Variants in TMEM161B observed in about 807,000 individuals in gnomAD.
TMEM161B encodes the protein transmembrane protein 161B.
Under a neutral mutation model 61.8 loss-of-function variants are expected in TMEM161B, and 34 were observed. The ratio of observed to expected loss-of-function variants is 0.55; its 90% CI spans 0.42 to 0.73. The LOEUF (loss-of-function observed/expected upper bound fraction) is 0.73, where lower values mean the gene tolerates loss of function less well. Ranked by LOEUF, TMEM161B falls within the 30% of genes least tolerant of loss-of-function variation. The pLI is 0.00. For synonymous variants in TMEM161B, 167 were observed against 192.8 expected, an observed-to-expected ratio of 0.87 and a Z score of 1.11; for missense variants, 456 against 558.5, an observed-to-expected ratio of 0.82 and a Z score of 1.85.
chr5:88,187,856 T>C (rs901126827), downstream of TMEM161B, among the ~76,000 whole-genome samples: 16 of 152,330 alleles, frequency 1.1e-4, no homozygotes, highest in African/African-American at 3.8e-4. Flanking sequence ...TTAGGTTTGA[T>C]GATCTCTTAT....
downstream of TMEM161B, among the ~76,000 whole-genome samples, chr5:88,192,123 G>C (rs34087731): frequency 7.2e-6 from 1 of 139,492 alleles, no homozygotes; most frequent in Non-Finnish European, 1.5e-5. Context: ...CTGATTCTTA[G>C]ATTAGCATTC....
intron 2 of TMEM161B, among the ~76,000 whole-genome samples, chr5:88,231,553 G>A (rs1195367115): frequency 2.0e-5 from 3 of 152,194 alleles, no homozygotes; most frequent in Non-Finnish European, 4.4e-5. Context: ...TACTGGCATA[G>A]AGCAAGTGCT....
intron 1 of TMEM161B, among the ~76,000 whole-genome samples, chr5:88,244,772 G>C (rs1354107838): frequency 6.6e-6 from 1 of 151,830 alleles, no homozygotes; most frequent in Non-Finnish European, 1.5e-5. Context: ...TCCTATCCAA[G>C]AGCATGGAAT....
intron 2 of TMEM161B, among the ~76,000 whole-genome samples, chr5:88,229,833 T>C (rs1311747143): frequency 6.6e-6 from 1 of 151,678 alleles, no homozygotes; most frequent in Non-Finnish European, 1.5e-5. Context: ...GGATCCTCCC[T>C]CCTCAGCTTT....
intron 1 of TMEM161B, among the ~76,000 whole-genome samples, chr5:88,245,002 T>C (rs1302974148): frequency 6.6e-6 from 1 of 151,808 alleles, no homozygotes; most frequent in African/African-American, 2.4e-5. Context: ...TTCTGAAACT[T>C]TGCTCAAGTT....
At chr5:88,225,597 A>T (rs1254349631) in intron 4 of TMEM161B, among the ~76,000 whole-genome samples, 172 bp downstream of exon 4, 2 of 152,232 alleles carry the variant, frequency 1.3e-5, no homozygotes, top group African/African-American at 4.8e-5. Context: ...AAAATAATAC[A>T]AGTTAGGTGA....
intron 5 of TMEM161B, 58 bp downstream of exon 5, chr5:88,220,505 G>T: frequency 7.7e-7 from 1 of 1,294,580 alleles, no homozygotes; most frequent in Non-Finnish European, 1.0e-6. Flanking sequence ...AATCAGAGAT[G>T]AGATCTAATG....
chr5:88,214,897 T>A (rs990411234), intron 5 of TMEM161B, among the ~76,000 whole-genome samples: 1 of 152,204 alleles, frequency 6.6e-6, no homozygotes, highest in Admixed American at 6.5e-5. Flanking sequence ...AAAGCAGAGC[T>A]GATGACAAGA....
At chr5:88,191,635 AAC>A (rs1472255264), downstream of TMEM161B, among the ~76,000 whole-genome samples, 1 of 152,080 alleles carries the variant, frequency 6.6e-6, no homozygotes, top group East Asian at 1.9e-4. Flanking sequence ...TTTTTCTCAT[AAC>A]ACAGAGAAAT....
At chr5:88,233,882 C>T (rs1416619365) in intron 2 of TMEM161B, among the ~76,000 whole-genome samples, 3 of 151,952 alleles carry the variant, frequency 2.0e-5, no homozygotes, top group East Asian at 3.9e-4. Flanking sequence ...GAGGTGATTA[C>T]ATAATTGTGG....
At position 88,226,327 on chromosome 5, in the gene TMEM161B, A is replaced by G. The variant is rs182758398; in HGVS notation, c.192-461T>C. Among the ~76,000 whole-genome samples the G allele has an allele frequency of 3.2e-4, 49 of 152,366 alleles. 1 individual carries two copies. The highest frequency in any genetic ancestry group is 1.2e-3 in the African/African-American group (48 of 41,588). ...TTACGTGTATGAGAAATTCAGAAAC[A>G]TGAAAGACTAACTTGGAATAGTTTT... On this transcript the variant is annotated intron_variant, in intron 3 of 11. Coordinates refer to ENST00000296595, the MANE Select transcript of TMEM161B (RefSeq NM_153354.5).
At chr5:88,245,572 C>T (rs1033109642) in intron 1 of TMEM161B, among the ~76,000 whole-genome samples, 1 of 151,876 alleles carries the variant, frequency 6.6e-6, no homozygotes, top group Middle Eastern at 3.2e-3. Context: ...CTCTCACAAA[C>T]ATATATAATA....
Position 88,225,829 on chromosome 5 carries a change from T to C in TMEM161B, c.229A>G (p.Ile77Val), listed in dbSNP as rs1445507972. Residue 77 changes from isoleucine to valine, a missense_variant, in exon 4 of 12, where the codon ATT (isoleucine) becomes GTT (valine). This residue lies in a region of TMEM161B where 85 missense variants were observed against 111.2 expected (regional missense o/e 0.76). Transcript: ENST00000296595. ...NGHIESKPLT[I>V]PKDIDLHLET... The stretch of plus-strand genomic sequence containing the variant: ...AGATGAAGGTCAATATCCTTTGGAA[T>C]GGTTAATGGCTTACTTTCAATGTGA... 1 of 1,611,360 alleles carries C rather than the reference T, an allele frequency of 6.2e-7. No homozygotes were observed. Among genetic ancestry groups the C allele is most frequent in the East Asian group, 2.2e-5 (1 of 44,680 alleles).
At chr5:88,249,756 C>T (rs146455660) in intron 1 of TMEM161B, among the ~76,000 whole-genome samples, 9 of 152,172 alleles carry the variant, frequency 5.9e-5, no homozygotes, top group East Asian at 5.8e-4. Context: ...ACACTGGGGC[C>T]GAAAGTGTGC....
intron 1 of TMEM161B, among the ~76,000 whole-genome samples, chr5:88,244,506 T>C (rs1245124414): frequency 1.3e-5 from 2 of 151,700 alleles, no homozygotes; most frequent in African/African-American, 4.8e-5. Context: ...TCTATTTTTG[T>C]ACCACTACCA....
At chr5:88,228,611 C>A in intron 2 of TMEM161B, 83 bp from the exon 3 acceptor site, 8 of 1,025,798 alleles carry the variant, frequency 7.8e-6, no homozygotes, top group Middle Eastern at 2.6e-4. Flanking sequence ...TATTAAGTTT[C>A]ATATTTGTGA....
intron 1 of TMEM161B, among the ~76,000 whole-genome samples, chr5:88,252,328 C>T (rs1754444487): frequency 6.6e-6 from 1 of 151,960 alleles, no homozygotes; most frequent in African/African-American, 2.4e-5. Context: ...TCTTTAAAAC[C>T]AAGAGAAGGT....
chr5:88,227,401 G>A (rs955993458), intron 3 of TMEM161B, among the ~76,000 whole-genome samples: 2 of 152,100 alleles, frequency 1.3e-5, no homozygotes, highest in South Asian at 2.1e-4. Context: ...TAGCTAACAC[G>A]GTTGTTTTGT....
Position 88,222,429 on chromosome 5 carries a change from T to C in TMEM161B, c.290-1710A>G, listed in dbSNP as rs375013793. Among the ~76,000 whole-genome samples, 11 of 152,090 alleles carry C rather than the reference T, an allele frequency of 7.2e-5. No homozygotes were observed. In the Middle Eastern group the frequency reaches 0.01, roughly 141 times the overall value. The stretch of plus-strand genomic sequence containing the variant: ...TTCTGAACATAAGCCTGAAAGATAC[T>C]GATGTGGTTACAGGATGCTTACCCT... On this transcript the variant is annotated intron_variant, in intron 4 of 11. Transcript: ENST00000296595.
Sources: gnomAD v4.1 joint callset for allele counts (sites outside exome capture counted in the v4.1 genomes callset) on GRCh38, gnomAD v4.1.1 for gene constraint, gnomAD v4.1.1 regional missense constraint, MANE v1.5 for transcripts, NCBI Gene and HGNC (gene_info 2026-07-23, HGNC 2026-07-21) for gene names.